The following PLEKHM3 variants were observed in gnomAD, a reference collection of about 807,000 sequenced individuals.
PLEKHM3 encodes the protein pleckstrin homology domain containing M3, also known as pleckstrin homology domain-containing family M member 3.
PLEKHM3 carries 45 observed loss-of-function variants against 81.8 expected under a neutral mutation model. The ratio of observed to expected loss-of-function variants is 0.55; its 90% CI spans 0.43 to 0.71. PLEKHM3 has a LOEUF of 0.71. Ranked by LOEUF, PLEKHM3 falls within the 30% of genes least tolerant of loss-of-function variation. The pLI is 0.00. For synonymous variants in PLEKHM3, 352 were observed against 356.4 expected (o/e 0.99, Z 0.14); for missense variants, 788 against 924.3 (o/e 0.85, Z 1.91).
chr2:208,007,505 A>G (rs961675868), intron 1 of PLEKHM3, among the ~76,000 whole-genome samples: 1 of 152,268 alleles, frequency 6.6e-6, no homozygotes, highest in African/African-American at 2.4e-5. Context: ...ACAGACAGCT[A>G]GAAACACAGA....
At chr2:207,835,021 A>T (rs1575265036) in intron 7 of PLEKHM3, among the ~76,000 whole-genome samples, 1 of 150,894 alleles carries the variant, frequency 6.6e-6, no homozygotes, top group South Asian at 2.1e-4. Context: ...GCTCACTGCA[A>T]CCTCTGCCTT....
intron 4 of PLEKHM3, among the ~76,000 whole-genome samples, chr2:207,941,253 C>A (rs934052278): frequency 6.6e-6 from 1 of 152,122 alleles, no homozygotes; most frequent in Non-Finnish European, 1.5e-5. Context: ...CATCTGTTAG[C>A]AAGGTGGCAT....
chr2:207,876,760 C>T (rs1170016043), intron 6 of PLEKHM3, among the ~76,000 whole-genome samples: 1 of 152,200 alleles, frequency 6.6e-6, no homozygotes, highest in East Asian at 1.9e-4. Flanking sequence ...TAGGAATTCA[C>T]TCACATGTTT....
chr2:208,019,237 T>C (rs1265563145), intron 1 of PLEKHM3, among the ~76,000 whole-genome samples: 1 of 152,118 alleles, frequency 6.6e-6, no homozygotes, highest in Non-Finnish European at 1.5e-5. Flanking sequence ...GCTCAGGAGT[T>C]TGAGGCTGCA....
chr2:207,908,763 C>T (rs1257847277), intron 5 of PLEKHM3, among the ~76,000 whole-genome samples, 186 bp from the exon 6 acceptor site: 3 of 152,214 alleles, frequency 2.0e-5, no homozygotes, highest in Non-Finnish European at 4.4e-5. Flanking sequence ...CCAACACAGA[C>T]ACCAGAATGG....
chr2:207,918,147 T>C (rs1435460602), intron 5 of PLEKHM3, among the ~76,000 whole-genome samples: 3 of 152,200 alleles, frequency 2.0e-5, no homozygotes, highest in Non-Finnish European at 4.4e-5. Flanking sequence ...TTTTCACTCA[T>C]TTCATTATGT....
Position 207,826,252 on chromosome 2 carries a change from G to C in PLEKHM3, c.*2067C>G, listed in dbSNP as rs1279442241. 6.6e-6 allele frequency: 1 copy of C among 152,214 alleles called. No individual in the cohort carries two copies. The highest frequency in any genetic ancestry group is 1.9e-4 in the East Asian group (1 of 5,204). The allele number at this position is 152,214 out of a possible 1,614,324, so 9.4% of individuals were successfully genotyped here. ...CTATAATTCTCTTGTGAAAGATCAT[G>C]TTCTGCTATCTTCTCTGAGGCTGGA... On this transcript the variant is annotated 3_prime_UTR_variant, in exon 8 of 8. Coordinates refer to ENST00000427836, the MANE Select transcript of PLEKHM3 (RefSeq NM_001080475.3).
chr2:207,964,048 C>T (rs1254374751), intron 3 of PLEKHM3, among the ~76,000 whole-genome samples: 6 of 152,120 alleles, frequency 3.9e-5, no homozygotes, highest in African/African-American at 1.4e-4. Context: ...CCCGTCTCTA[C>T]TAAAAATACA....
At position 207,821,343 on chromosome 2, in the gene PLEKHM3, C is replaced by T. The variant is rs1048841774; in HGVS notation, c.*6976G>A. ...GAGAGAGAACTTTATACATTAGGAA[C>T]TGGTGCACTTAAATTATGTGACAGA... is the stretch of plus-strand genomic sequence containing the variant. On this transcript the variant is annotated 3_prime_UTR_variant, in exon 8 of 8. Coordinates refer to ENST00000427836, the MANE Select transcript of PLEKHM3 (RefSeq NM_001080475.3). 7 of 152,098 alleles carry T rather than the reference C, an allele frequency of 4.6e-5. No homozygotes were observed. Among genetic ancestry groups the T allele is most frequent in the Non-Finnish European group, 1.0e-4 (7 of 68,028 alleles). The allele number at this position is 152,098 out of a possible 1,614,324, so 9.4% of individuals were successfully genotyped here. A position where few individuals can be genotyped will look rare whatever the true frequency, so the allele number is the denominator to read the frequency against.
intron 5 of PLEKHM3, among the ~76,000 whole-genome samples, chr2:207,925,765 G>A (rs1689373445): frequency 6.6e-6 from 1 of 152,046 alleles, no homozygotes; most frequent in African/African-American, 2.4e-5. Context: ...TCACTGTACC[G>A]CAACTGCCTG....
At chr2:207,969,087 A>G (rs764608507) in intron 3 of PLEKHM3, among the ~76,000 whole-genome samples, 2 of 152,178 alleles carry the variant, frequency 1.3e-5, no homozygotes, top group Non-Finnish European at 2.9e-5. Flanking sequence ...TCCACCTCTC[A>G]GTTCCTTAGA....
At chr2:207,987,998 A>G (rs1360555517) in intron 2 of PLEKHM3, among the ~76,000 whole-genome samples, 5 of 152,238 alleles carry the variant, frequency 3.3e-5, no homozygotes, top group African/African-American at 1.2e-4. Context: ...TGAGCAAGAG[A>G]TAGAAATGCT....
At chr2:207,942,697 G>A (rs533348438) in intron 4 of PLEKHM3, among the ~76,000 whole-genome samples, 5 of 152,190 alleles carry the variant, frequency 3.3e-5, no homozygotes, top group African/African-American at 1.2e-4. Context: ...TCAAGAGATC[G>A]AGATCATCCT....
chr2:207,866,016 T>C (rs1401435018), intron 6 of PLEKHM3, among the ~76,000 whole-genome samples: 1 of 151,544 alleles, frequency 6.6e-6, no homozygotes, highest in Non-Finnish European at 1.5e-5. Context: ...TAGACTTTTA[T>C]CTCTCCTCTC....
intron 3 of PLEKHM3, among the ~76,000 whole-genome samples, chr2:207,957,259 A>G (rs1690545860): frequency 6.6e-6 from 1 of 152,188 alleles, no homozygotes; most frequent in Non-Finnish European, 1.5e-5. Flanking sequence ...TTATTGTAAA[A>G]ATCAGTTTGA....
chr2:207,853,225 C>A (rs1393137282), intron 7 of PLEKHM3, among the ~76,000 whole-genome samples: 1 of 152,062 alleles, frequency 6.6e-6, no homozygotes, highest in African/African-American at 2.4e-5. Context: ...CAAGACCAGC[C>A]TGACCAACAT....
At chr2:207,908,462 G>A (rs546933503) in intron 6 of PLEKHM3, 52 bp downstream of exon 6, 25 of 1,528,562 alleles carry the variant, frequency 1.6e-5, no homozygotes, top group Non-Finnish European at 2.2e-5. Flanking sequence ...AGTCAACAAA[G>A]AGACTTCTCC....
chr2:208,022,067 G>T (rs1693148319), intron 1 of PLEKHM3, among the ~76,000 whole-genome samples: 1 of 152,148 alleles, frequency 6.6e-6, no homozygotes, highest in Non-Finnish European at 1.5e-5. Context: ...GGAATTAACT[G>T]GGTCAAAAGG....
chr2:207,918,542 A>G (rs1028130210), intron 5 of PLEKHM3, among the ~76,000 whole-genome samples: 3 of 146,338 alleles, frequency 2.1e-5, no homozygotes, highest in African/African-American at 8.3e-5. Context: ...CAAACAAACA[A>G]AAAACAAACA....
Sources: gnomAD v4.1 joint callset for allele counts (sites outside exome capture counted in the v4.1 genomes callset) on GRCh38, gnomAD v4.1.1 for gene constraint, MANE v1.5 for transcripts, NCBI Gene and HGNC (gene_info 2026-07-23, HGNC 2026-07-21) for gene names.